ACSS3: variants seen among roughly 807,000 people sequenced by gnomAD.
ACSS3 encodes the protein acyl-CoA synthetase short-chain family member 3, mitochondrial.
Under a neutral mutation model 84.2 loss-of-function variants are expected in ACSS3, and 64 were observed. The observed-to-expected ratio is 0.76, with a 90% CI of 0.62 to 0.94. The LOEUF (loss-of-function observed/expected upper bound fraction) is 0.94, where lower values mean the gene tolerates loss of function less well. Ranked by LOEUF, ACSS3 falls within the 40% of genes least tolerant of loss-of-function variation. ACSS3 has a pLI of 0.00. For synonymous variants in ACSS3, 317 were observed against 310.1 expected (o/e 1.02, Z -0.23); for missense variants, 815 against 867.6 (o/e 0.94, Z 0.76).
intron 8 of ACSS3, among the ~76,000 whole-genome samples, chr12:81,191,351 A>C (rs1253309163): frequency 1.3e-5 from 2 of 151,884 alleles, no homozygotes; most frequent in Non-Finnish European, 1.5e-5. Flanking sequence ...CTATTTTTGG[A>C]GATTCCTTTA....
chr12:81,230,962 G>A (rs1017286028), intron 11 of ACSS3, 95 bp from the exon 12 acceptor site: 21 of 939,308 alleles, frequency 2.2e-5, no homozygotes, highest in African/African-American at 3.3e-5. Flanking sequence ...GATTTGAATT[G>A]TAATTATCTG....
In ACSS3 at chr12:81,213,957, CTCTTTCTTTCTTTCTTTCTT is replaced by C. The variant is rs59556127; in HGVS notation, c.1355-2913_1355-2894del. Reference sequence around the variant, plus strand: ...CCTTTCTCTCTCTCTCTCCCTCTCTCTCTTTCTTTCTTTCTTTCTTTCTTTCTTTCTTTCTTTCTTTCTTT... The same window carrying C: ...CCTTTCTCTCTCTCTCTCCCTCTCTCTCTTTCTTTCTTTCTTTCTTTCTTT... On this transcript the variant is annotated intron_variant, in intron 9 of 15. Coordinates refer to ENST00000548058, the MANE Select transcript of ACSS3 (RefSeq NM_024560.4). Among the ~76,000 whole-genome samples the C allele has an allele frequency of 3.5e-3, 173 of 49,138 alleles. 2 individuals carry two copies. Among genetic ancestry groups the C allele is most frequent in the African/African-American group, 0.011 (156 of 13,988 alleles). The allele number at this position is 49,138 out of a possible 152,430, so 32.2% of individuals were successfully genotyped here.
chr12:81,129,886 T>A (rs543790952), intron 2 of ACSS3, among the ~76,000 whole-genome samples: 1 of 151,310 alleles, frequency 6.6e-6, no homozygotes, highest in East Asian at 2.0e-4. Flanking sequence ...TTTGGTTTTC[T>A]GTCCTTGTGA....
chr12:81,196,735 G>C (rs919907432), intron 8 of ACSS3, among the ~76,000 whole-genome samples: 4 of 152,040 alleles, frequency 2.6e-5, no homozygotes, highest in Admixed American at 6.6e-5. Context: ...ATGGTGGAAG[G>C]CTCAAGGAGA....
At chr12:81,167,788 T>C (rs897201660) in intron 7 of ACSS3, among the ~76,000 whole-genome samples, 12 of 152,196 alleles carry the variant, frequency 7.9e-5, no homozygotes, top group African/African-American at 2.7e-4. Flanking sequence ...TTAGTACATA[T>C]GTATCTTCAA....
intron 5 of ACSS3, among the ~76,000 whole-genome samples, chr12:81,150,687 T>C (rs1251996272): frequency 1.3e-5 from 2 of 152,120 alleles, no homozygotes. Context: ...GTGAATAAAA[T>C]AATGTTCCAC....
intron 8 of ACSS3, among the ~76,000 whole-genome samples, chr12:81,198,805 A>G (rs2031967288): frequency 6.6e-6 from 1 of 152,138 alleles, no homozygotes. Flanking sequence ...CTTCTTTACC[A>G]GCTATTTCTC....
intron 8 of ACSS3, among the ~76,000 whole-genome samples, chr12:81,181,770 C>CAAAAAAAAAAAAA (rs1208095675): frequency 4.3e-5 from 2 of 46,058 alleles, no homozygotes; most frequent in Admixed American, 2.1e-4. Flanking sequence ...AAAAAAAAAG[C>CAAAAAAAAAAAAA]AATAGAGAGC....
intron 13 of ACSS3, among the ~76,000 whole-genome samples, chr12:81,246,515 T>G (rs2136004386): frequency 6.6e-6 from 1 of 152,118 alleles, no homozygotes; most frequent in East Asian, 1.9e-4. Context: ...AATAACAAAA[T>G]CCCCAAACTT....
Position 81,260,517 on chromosome 12 carries a change from C to T in ACSS3, c.*5595C>T, listed in dbSNP as rs1388839042. 2.0e-5 allele frequency: 3 copies of T among 152,014 alleles called. No homozygotes were observed. Among genetic ancestry groups the T allele is most frequent in the African/African-American group, 7.3e-5 (3 of 41,372 alleles). 9.4% of individuals were successfully genotyped at this position (152,014 alleles called of 1,614,324 possible). On this transcript the variant is annotated 3_prime_UTR_variant, in exon 16 of 16. Transcript: ENST00000548058. ...GTATTTTGGGAGACCTCTTATTTAG[C>T]CAAATTATTATATACTTTAAATCAT...
In ACSS3 at chr12:81,199,550, C is replaced by T. The variant is rs181098806; in HGVS notation, c.1354+106C>T. ...ACGACCAGCAGATCAGACACAAACT[C>T]GGGATTCGAGTGGTTCAGGTTTCAG... On this transcript the variant is annotated intron_variant, in intron 9 of 15. Transcript: ENST00000548058. 75 of 1,459,770 alleles carry T rather than the reference C, an allele frequency of 5.1e-5. No individual in the cohort carries two copies. In the African/African-American group the frequency reaches 8.6e-4, roughly 17 times the overall value. 90.4% of individuals were successfully genotyped at this position (1,459,770 alleles called of 1,614,324 possible).
chr12:81,236,414 G>A lies in ACSS3; in HGVS notation c.1719+2943G>A, dbSNP rs982950339. 6.0e-4 allele frequency among the ~76,000 whole-genome samples: 90 copies of A among 151,212 alleles called. 1 individual carries two copies. Among genetic ancestry groups the A allele is most frequent in the African/African-American group, 2.1e-3 (86 of 41,388 alleles). Reference sequence around the variant, plus strand: ...AATTTTCCTTATTCTGAAATCTACTGTTTGTAGTAATCATATAGCCATTCT... The same window carrying A: ...AATTTTCCTTATTCTGAAATCTACTATTTGTAGTAATCATATAGCCATTCT... On this transcript the variant is annotated intron_variant, in intron 13 of 15. Transcript: ENST00000548058.
chr12:81,133,951 G>T (rs1885656079), intron 2 of ACSS3, among the ~76,000 whole-genome samples: 1 of 144,514 alleles, frequency 6.9e-6, no homozygotes, highest in African/African-American at 2.5e-5. Context: ...AATTGCCCAT[G>T]GGAAGGATTC....
At chr12:81,083,331 T>C (rs1881104244) in intron 1 of ACSS3, among the ~76,000 whole-genome samples, 1 of 151,784 alleles carries the variant, frequency 6.6e-6, no homozygotes, top group Non-Finnish European at 1.5e-5. Context: ...AAAATCTAAA[T>C]TTCCTGTAAA....
Position 81,220,014 on chromosome 12 carries a change from T to C in ACSS3, c.1452T>C (p.Val484=), listed in dbSNP as rs1349594594. 1 of 1,527,944 alleles carries C rather than the reference T, an allele frequency of 6.5e-7. No homozygotes were observed. The highest frequency in any genetic ancestry group is 8.8e-7 in the Non-Finnish European group (1 of 1,135,756). 94.6% of individuals were successfully genotyped at this position (1,527,944 alleles called of 1,614,324 possible). The part of the protein sequence containing the change: ...QAGKSVPGYN[V]MILDDNMQKL... ...AAATATTTATATTTTACTTTGTAGT[T>C]ATGATTTTGGATGACAACATGCAAA... Residue 484 remains valine, a splice_region_variant and synonymous_variant, in exon 11 of 16, where the codon GTT becomes GTC. Transcript: ENST00000548058.
chr12:81,150,416 A>G (rs1266821686), intron 5 of ACSS3, among the ~76,000 whole-genome samples: 1 of 152,238 alleles, frequency 6.6e-6, no homozygotes, highest in Non-Finnish European at 1.5e-5. Flanking sequence ...CTGTTGAGCC[A>G]TAGGAAAAGA....
intron 9 of ACSS3, among the ~76,000 whole-genome samples, chr12:81,213,943 CT>C (rs2032776131): frequency 4.6e-5 from 3 of 65,596 alleles, no homozygotes; most frequent in Non-Finnish European, 1.0e-4. Context: ...CTTTCTCTCT[CT>C]CTCTCCCTCT....
chr12:81,117,237 A>G (rs2121525820), intron 2 of ACSS3, among the ~76,000 whole-genome samples: 1 of 152,324 alleles, frequency 6.6e-6, no homozygotes, highest in East Asian at 1.9e-4. Flanking sequence ...CATAATATAT[A>G]TTTGACACTA....
At chr12:81,143,665 T>G (rs1886196911) in intron 5 of ACSS3, among the ~76,000 whole-genome samples, 1 of 152,130 alleles carries the variant, frequency 6.6e-6, no homozygotes, top group Non-Finnish European at 1.5e-5. Flanking sequence ...TCATGCAGTA[T>G]AGAATTGATT....
Sources: gnomAD v4.1 joint callset for allele counts (sites outside exome capture counted in the v4.1 genomes callset) on GRCh38, gnomAD v4.1.1 for gene constraint, MANE v1.5 for transcripts, NCBI Gene and HGNC (gene_info 2026-07-23, HGNC 2026-07-21) for gene names.